Variants in ALPL observed in about 807,000 individuals in gnomAD.
ALPL encodes the protein alkaline phosphatase, biomineralization associated, also known as alkaline phosphatase, tissue-nonspecific isozyme.
Under a neutral mutation model 51.3 loss-of-function variants are expected in ALPL, and 42 were observed. That is an observed-to-expected ratio of 0.82 (90% CI 0.64 to 1.06). The LOEUF is 1.06. ALPL is among the 50% of genes least tolerant of loss of function. The pLI is 0.00. For missense variants in ALPL, 589 were observed against 709.4 expected (o/e 0.83, Z 1.93); for synonymous variants, 279 against 296.4 (o/e 0.94, Z 0.60).
chr1:21,513,502 C>T (rs1034455491), intron 1 of ALPL, among the ~76,000 whole-genome samples: 7 of 152,164 alleles, frequency 4.6e-5, no homozygotes, highest in African/African-American at 1.7e-4. Flanking sequence ...GTCACTTCCC[C>T]TGTCTGAGTC....
intron 6 of ALPL, among the ~76,000 whole-genome samples, chr1:21,565,074 G>C (rs1042765345): frequency 1.3e-5 from 2 of 152,070 alleles, no homozygotes; most frequent in African/African-American, 4.8e-5. Context: ...ATGGGGATTC[G>C]GTGAGGGGCA....
intron 1 of ALPL, among the ~76,000 whole-genome samples, chr1:21,510,759 A>C (rs1393241807): frequency 6.6e-6 from 1 of 152,126 alleles, no homozygotes; most frequent in Non-Finnish European, 1.5e-5. Flanking sequence ...TCCACTCTCC[A>C]GTCTTGCTCT....
chr1:21,577,330 C>A, intron 11 of ALPL, 53 bp from the exon 12 acceptor site: 1 of 1,612,056 alleles, frequency 6.2e-7, no homozygotes, highest in Middle Eastern at 1.7e-4. Flanking sequence ...AAGCTGCGTG[C>A]GCAGCGCCAG....
intron 1 of ALPL, among the ~76,000 whole-genome samples, chr1:21,533,217 T>A (rs1644054192): frequency 6.6e-6 from 1 of 152,222 alleles, no homozygotes; most frequent in South Asian, 2.1e-4. Flanking sequence ...CTGTGTGACC[T>A]CAGGCAAGTT....
intron 1 of ALPL, among the ~76,000 whole-genome samples, chr1:21,552,017 G>C (rs1484912902): frequency 6.7e-6 from 1 of 149,842 alleles, no homozygotes; most frequent in Admixed American, 6.7e-5. Context: ...GAGCCACCGC[G>C]CCCGGCCATT....
At chr1:21,561,352 C>A in intron 4 of ALPL, 140 bp downstream of exon 4, 2 of 732,848 alleles carry the variant, frequency 2.7e-6, no homozygotes, top group South Asian at 1.5e-5. Flanking sequence ...GGAGCAGCCA[C>A]TGCCCTGACT....
intron 1 of ALPL, among the ~76,000 whole-genome samples, chr1:21,527,383 C>G (rs1218378427): frequency 6.6e-6 from 1 of 152,052 alleles, no homozygotes; most frequent in Non-Finnish European, 1.5e-5. Context: ...CTAAACTTTA[C>G]TAAATTATTT....
chr1:21,524,783 C>A (rs974195751), intron 1 of ALPL, among the ~76,000 whole-genome samples: 1 of 152,176 alleles, frequency 6.6e-6, no homozygotes, highest in Non-Finnish European at 1.5e-5. Context: ...TGGGAGGCTC[C>A]GAGGCTCCAG....
Position 21,539,002 on chromosome 1 carries a change from G to A in ALPL, c.-104-14976G>A, listed in dbSNP as rs4654961. ...CAATGAAATAACATTTGGGAACAGA[G>A]TGTAGTGAGTGTGAATCAAATAGCA... On this transcript the variant is annotated intron_variant, in intron 1 of 11. Transcript: ENST00000374840. Among the ~76,000 whole-genome samples the A allele has an allele frequency of 9.6e-3, 1,456 of 152,336 alleles. 6 individuals are homozygous for A. The highest frequency in any genetic ancestry group is 0.015 in the Non-Finnish European group (1,045 of 68,026).
At position 21,554,521 on chromosome 1, in the gene ALPL, C is replaced by T. The variant is rs138241475; in HGVS notation, c.61+379C>T. Among the ~76,000 whole-genome samples the T allele has an allele frequency of 1.4e-3, 202 of 142,106 alleles. 1 individual carries two copies. The highest frequency in any genetic ancestry group is 5.1e-3 in the African/African-American group (195 of 37,946). 93.2% of individuals were successfully genotyped at this position (142,106 alleles called of 152,430 possible). ...TTTTTTTTTTTTTGAGACAGGGTTT[C>T]GCTCTGTTGCCCAAGCTAGAGTGCA... is the stretch of plus-strand genomic sequence containing the variant. On this transcript the variant is annotated intron_variant, in intron 2 of 11. Transcript: ENST00000374840.
At chr1:21,531,107 C>T (rs1644024252) in intron 1 of ALPL, among the ~76,000 whole-genome samples, 2 of 151,986 alleles carry the variant, frequency 1.3e-5, no homozygotes, top group Admixed American at 6.6e-5. Flanking sequence ...GCACCCACCA[C>T]CACACCCGGC....
chr1:21,518,030 G>A (rs911602068), intron 1 of ALPL, among the ~76,000 whole-genome samples: 2 of 152,074 alleles, frequency 1.3e-5, no homozygotes, highest in Admixed American at 6.6e-5. Context: ...CCAGTTCAGT[G>A]TCACGGTGCT....
rs1644764580 is a variant in ALPL, at chr1:21,577,862, C to G, written c.*214C>G. 1 of 645,598 alleles carries G rather than the reference C, an allele frequency of 1.5e-6. No individual in the cohort carries two copies. Among genetic ancestry groups the G allele is most frequent in the Admixed American group, 2.9e-5 (1 of 33,958 alleles). The allele number at this position is 645,598 out of a possible 1,614,324, so 40.0% of individuals were successfully genotyped here. A position where few individuals can be genotyped will look rare whatever the true frequency, so the allele number is the denominator to read the frequency against. On this transcript the variant is annotated 3_prime_UTR_variant, in exon 12 of 12. Transcript: ENST00000374840. ...TTCTGGCCTCCAGCCTTTGCTCCCT[C>G]CCCGCTGCCCTTTGGCCAACAGGGT... is the stretch of plus-strand genomic sequence containing the variant.
Position 21,564,298 on chromosome 1 carries a change from C to G in ALPL, c.648+82C>G, listed in dbSNP as rs553051630. On this transcript the variant is annotated intron_variant, in intron 6 of 11. Coordinates refer to ENST00000374840, the MANE Select transcript of ALPL (RefSeq NM_000478.6). The surrounding 1 kb of genome is among the most constrained non-coding windows in gnomAD (Gnocchi z 5.8). The stretch of plus-strand genomic sequence containing the variant: ...AGGAGGCCTCAGGCCCAGGCTGGCC[C>G]GGAGAAAGCAGCCTGGCCTGGCTCC... 4.0e-5 allele frequency: 62 copies of G among 1,556,590 alleles called. 2 individuals carry two copies. Among genetic ancestry groups the G allele is most frequent in the South Asian group, 2.8e-4 (25 of 88,554 alleles).
At chr1:21,547,417 C>T (rs1644267091) in intron 1 of ALPL, among the ~76,000 whole-genome samples, 1 of 152,144 alleles carries the variant, frequency 6.6e-6, no homozygotes. Context: ...GCCCTCCTGT[C>T]CCCCATCCTG....
chr1:21,560,674 T>C lies in ALPL; in HGVS notation c.110T>C (p.Leu37Pro), dbSNP rs143358506. ...KYWRDQAQETLKYALELQKLN... is the reference protein window; with the variant it reads ...KYWRDQAQETPKYALELQKLN... ...TGGCGAGACCAAGCGCAAGAGACAC[T>C]GAAATATGCCCTGGAGCTTCAGAAG... The change falls in exon 3 of 12, where the codon CTG becomes CCG. Residue 37 changes from leucine to proline, a missense_variant. Coordinates refer to ENST00000374840, the MANE Select transcript of ALPL (RefSeq NM_000478.6). The C allele has an allele frequency of 4.3e-6, 7 of 1,613,974 alleles. No homozygotes were observed. Among genetic ancestry groups the C allele is most frequent in the Non-Finnish European group, 5.9e-6 (7 of 1,180,020 alleles).
At chr1:21,512,275 A>C (rs1173021422) in intron 1 of ALPL, among the ~76,000 whole-genome samples, 2 of 152,284 alleles carry the variant, frequency 1.3e-5, no homozygotes, top group Middle Eastern at 3.4e-3. Flanking sequence ...AGTAGACTGA[A>C]GGTTCATTCC....
At chr1:21,523,924 T>C (rs907458656) in intron 1 of ALPL, among the ~76,000 whole-genome samples, 2 of 151,978 alleles carry the variant, frequency 1.3e-5, no homozygotes, top group Admixed American at 6.6e-5. Flanking sequence ...GAAACCTTAA[T>C]TTGTTCACTG....
intron 1 of ALPL, among the ~76,000 whole-genome samples, chr1:21,552,301 T>C (rs1460915165): frequency 4.0e-5 from 6 of 150,440 alleles, no homozygotes; most frequent in Non-Finnish European, 5.9e-5. Context: ...CTGACCAACA[T>C]GGACCCCATC....
Sources: gnomAD v4.1 joint callset for allele counts (sites outside exome capture counted in the v4.1 genomes callset) on GRCh38, gnomAD v4.1.1 for gene constraint, Gnocchi (gnomAD v3.1) non-coding constraint, MANE v1.5 for transcripts, NCBI Gene and HGNC (gene_info 2026-07-23, HGNC 2026-07-21) for gene names.